SLC22A23: variants seen among roughly 807,000 people sequenced by gnomAD.
SLC22A23 encodes solute carrier family 22 member 23.
SLC22A23 carries 26 observed loss-of-function variants against 61.0 expected under a neutral mutation model. That is an observed-to-expected ratio of 0.43 (90% confidence interval 0.31 to 0.59). The LOEUF (loss-of-function observed/expected upper bound fraction) is 0.59, where lower values mean the gene tolerates loss of function less well. SLC22A23 is among the 20% of genes least tolerant of loss of function. The pLI, the probability that SLC22A23 is intolerant of heterozygous loss-of-function variation, is 0.11. For missense variants in SLC22A23, 796 were observed against 934.7 expected, an observed-to-expected ratio of 0.85 and a Z score of 1.94; for synonymous variants, 430 against 413.9, an observed-to-expected ratio of 1.04 and a Z score of -0.47.
rs1403879732 is a variant in SLC22A23 at position 3,342,598 on chromosome 6, C to T, written c.914-18596G>A. On this transcript the variant is annotated intron_variant, in intron 3 of 9. Transcript: ENST00000406686. The surrounding 1 kb of genome is among the most constrained non-coding windows in gnomAD (Gnocchi z 4.0). ...AAACAGATGCTTTCCAGATGGAGCCCAGGAAGCCAGTAGATGGGGGGTCCA... is the reference window on the plus strand; with the variant it reads ...AAACAGATGCTTTCCAGATGGAGCCTAGGAAGCCAGTAGATGGGGGGTCCA... 6.6e-6 allele frequency among the ~76,000 whole-genome samples: 1 copy of T among 152,144 alleles called. No homozygotes were observed. Among genetic ancestry groups the T allele is most frequent in the Non-Finnish European group, 1.5e-5 (1 of 68,036 alleles).
intron 3 of SLC22A23, among the ~76,000 whole-genome samples, chr6:3,341,270 G>A (rs777339594): frequency 2.6e-5 from 4 of 152,180 alleles, no homozygotes; most frequent in Non-Finnish European, 5.9e-5. Flanking sequence ...GGATTGAAAT[G>A]CTAAAAAAAA....
At chr6:3,277,388 C>T (rs907019595) in intron 9 of SLC22A23, among the ~76,000 whole-genome samples, 1 of 151,770 alleles carries the variant, frequency 6.6e-6, no homozygotes, top group Non-Finnish European at 1.5e-5. Context: ...GGAACCTCTG[C>T]TCCTGCTCCC....
In SLC22A23 at chr6:3,334,514, GA is replaced by G. The variant is rs201155734; in HGVS notation, c.914-10513del. Among the ~76,000 whole-genome samples, 71 of 150,554 alleles carry G rather than the reference GA, an allele frequency of 4.7e-4. No individual in the cohort carries two copies. In the South Asian group the frequency reaches 8.8e-3, roughly 19 times the overall value. On this transcript the variant is annotated intron_variant, in intron 3 of 9. Coordinates refer to ENST00000406686, the MANE Select transcript of SLC22A23 (RefSeq NM_015482.2). ...GCATGTGACTTTTTTTTTTTTCAAT[GA>G]AAAAAAAGAGTTCTTCCAACACCCA...
At chr6:3,280,490 CTTTTT>C (rs1163139930) in intron 9 of SLC22A23, among the ~76,000 whole-genome samples, 8 of 57,288 alleles carry the variant, frequency 1.4e-4, no homozygotes, top group Admixed American at 2.4e-4. Context: ...TAAGACACAA[CTTTTT>C]TTTTTTTTTT....
chr6:3,444,853 C>T (rs1384551066), intron 1 of SLC22A23: 10 of 985,450 alleles, frequency 1.0e-5, no homozygotes, highest in East Asian at 1.1e-4. Context: ...TGGGTGAAGG[C>T]GGCAGACACC....
rs568760717 is a variant in SLC22A23, at chr6:3,405,805, A to T, written c.913+4383T>A. The stretch of plus-strand genomic sequence containing the variant: ...TTACTCAATCACTTCTGTCATGTGA[A>T]AAAGGGATCAGCACCCCACCCAGAG... On this transcript the variant is annotated intron_variant, in intron 3 of 9. Coordinates refer to ENST00000406686, the MANE Select transcript of SLC22A23 (RefSeq NM_015482.2). Among the ~76,000 whole-genome samples the T allele has an allele frequency of 2.6e-5, 4 of 152,318 alleles. No individual in the cohort carries two copies. The East Asian group carries it at 5.8e-4, about 22-fold the overall frequency.
chr6:3,298,940 CCG>C (rs1313247446), intron 4 of SLC22A23, among the ~76,000 whole-genome samples: 16 of 147,656 alleles, frequency 1.1e-4, no homozygotes, highest in Non-Finnish European at 1.8e-4. Context: ...CCACTGCAGT[CCG>C]CAGTCCGGCC....
Position 3,298,211 on chromosome 6 carries a change from G to T in SLC22A23, c.1090C>A (p.Pro364Thr), listed in dbSNP as rs1258476198. Residue 364 changes from proline to threonine, a missense_variant, in exon 5 of 10, where the codon CCC becomes ACC. Coordinates refer to ENST00000406686, the MANE Select transcript of SLC22A23 (RefSeq NM_015482.2). Reference sequence around the variant, plus strand: ...GCCATTAGCCACCGGAGGGACTCGGGGAATATCCTTTAAAGACACAAAGGG... The same window carrying T: ...GCCATTAGCCACCGGAGGGACTCGGTGAATATCCTTTAAAGACACAAAGGG... ...LLMLLYWSIFPESLRWLMATQ... is the reference protein window; with the variant it reads ...LLMLLYWSIFTESLRWLMATQ... 1.9e-6 allele frequency: 3 copies of T among 1,594,466 alleles called. No individual in the cohort carries two copies. The highest frequency in any genetic ancestry group is 2.6e-6 in the Non-Finnish European group (3 of 1,172,818).
At chr6:3,432,077 A>G (rs1243224120) in intron 1 of SLC22A23, 1 of 313,898 alleles carries the variant, frequency 3.2e-6, no homozygotes, top group African/African-American at 2.3e-5. Context: ...GCTTTATGCT[A>G]TAGGTGTCAT....
At chr6:3,418,869 G>T (rs1411396951) in intron 1 of SLC22A23, among the ~76,000 whole-genome samples, 1 of 152,196 alleles carries the variant, frequency 6.6e-6, no homozygotes, top group African/African-American at 2.4e-5. Flanking sequence ...GTAGCGCTGG[G>T]GGAACCCATG....
chr6:3,444,324 G>A (rs1771770054), intron 1 of SLC22A23, among the ~76,000 whole-genome samples: 3 of 152,162 alleles, frequency 2.0e-5, no homozygotes, highest in Non-Finnish European at 4.4e-5. Context: ...CTACAATACT[G>A]AGGTCAAAGT....
In SLC22A23 at chr6:3,318,537, C is replaced by T. The variant is rs568414785; in HGVS notation, c.1082+5297G>A. Among the ~76,000 whole-genome samples, 6 of 152,330 alleles carry T rather than the reference C, an allele frequency of 3.9e-5. No homozygotes were observed. Among genetic ancestry groups the T allele is most frequent in the African/African-American group, 9.6e-5 (4 of 41,578 alleles). On this transcript the variant is annotated intron_variant, in intron 4 of 9. Coordinates refer to ENST00000406686, the MANE Select transcript of SLC22A23 (RefSeq NM_015482.2). The surrounding 1 kb of genome is among the most constrained non-coding windows in gnomAD (Gnocchi z 4.3). ...AAACCGCAATAAAGGCTCCTGCCCA[C>T]GTTTTTGCCTCCCTGTGTGCCTCCT...
intron 1 of SLC22A23, among the ~76,000 whole-genome samples, chr6:3,433,355 T>C (rs147818714): frequency 2.6e-4 from 40 of 152,172 alleles, no homozygotes; most frequent in South Asian, 1.0e-3. Flanking sequence ...CCAGAAGCTG[T>C]AGGGCCACAC....
chr6:3,336,930 G>A (rs983571271), intron 3 of SLC22A23, among the ~76,000 whole-genome samples: 72 of 151,494 alleles, frequency 4.8e-4, no homozygotes, highest in Admixed American at 2.4e-3. Flanking sequence ...CCACTTCAGC[G>A]TCCCTATAGC....
intron 3 of SLC22A23, among the ~76,000 whole-genome samples, chr6:3,380,987 A>G (rs1430763693): frequency 6.6e-6 from 1 of 152,122 alleles, no homozygotes; most frequent in African/African-American, 2.4e-5. Context: ...CAGTCACAGG[A>G]ATCTGCCTAA....
chr6:3,326,519 A>G (rs1763291074), intron 3 of SLC22A23, among the ~76,000 whole-genome samples: 2 of 151,872 alleles, frequency 1.3e-5, no homozygotes, highest in South Asian at 2.1e-4. Flanking sequence ...CCTCACAGAC[A>G]TATCGGTGGG....
intron 9 of SLC22A23, among the ~76,000 whole-genome samples, chr6:3,283,239 C>T (rs891253384): frequency 2.6e-5 from 4 of 152,248 alleles, no homozygotes; most frequent in East Asian, 1.9e-4. Flanking sequence ...CGAGACCAGC[C>T]TGGCCAACCA....
intron 9 of SLC22A23, among the ~76,000 whole-genome samples, chr6:3,282,516 C>T (rs140811161): frequency 2.0e-5 from 3 of 152,220 alleles, no homozygotes; most frequent in African/African-American, 4.8e-5. Flanking sequence ...AGTCCACGGA[C>T]CTGCCTACTT....
At chr6:3,314,707 T>C (rs1441072841) in intron 4 of SLC22A23, among the ~76,000 whole-genome samples, 1 of 152,200 alleles carries the variant, frequency 6.6e-6, no homozygotes, top group Non-Finnish European at 1.5e-5. Context: ...TTAAATGTTT[T>C]ATAATAGCTT....
Sources: allele counts gnomAD v4.1 joint callset (sites outside exome capture counted in the v4.1 genomes callset), GRCh38; gene constraint gnomAD v4.1.1; non-coding constraint Gnocchi (gnomAD v3.1); transcripts MANE v1.5; gene names NCBI Gene and HGNC (gene_info 2026-07-23, HGNC 2026-07-21).